RBFOX1: variants seen among roughly 807,000 people sequenced by gnomAD.
The protein encoded by RBFOX1 is RNA binding fox-1 homolog 1.
In RBFOX1, 8 loss-of-function variants were observed where a neutral mutation model predicts 57.7. The ratio of observed to expected loss-of-function variants is 0.14; its 90% CI spans 0.08 to 0.25. The LOEUF (loss-of-function observed/expected upper bound fraction) is 0.25. Ranked by LOEUF, RBFOX1 falls within the 10% of genes least tolerant of loss-of-function variation. RBFOX1 has a pLI of 1.00. For synonymous variants in RBFOX1, 326 were observed against 222.4 expected, an observed-to-expected ratio of 1.47 and a Z score of -4.15; for missense variants, 611 against 548.5, an observed-to-expected ratio of 1.11 and a Z score of -1.14.
intron 1 of RBFOX1, among the ~76,000 whole-genome samples, chr16:6,081,042 G>T (rs1405221709): frequency 2.0e-5 from 3 of 152,182 alleles, no homozygotes; most frequent in Non-Finnish European, 2.9e-5. Flanking sequence ...ACGGAGTCAT[G>T]TGAGGTTGAT....
intron 3 of RBFOX1, among the ~76,000 whole-genome samples, chr16:7,030,446 G>C (rs1467810537): frequency 6.6e-6 from 1 of 152,196 alleles, no homozygotes. Flanking sequence ...GCAAGGCCAA[G>C]TTCCTTCTGA....
intron 1 of RBFOX1, among the ~76,000 whole-genome samples, chr16:6,230,570 G>T (rs1326441425): frequency 1.3e-5 from 2 of 152,158 alleles, no homozygotes; most frequent in Non-Finnish European, 2.9e-5. Context: ...AATTCCGTGG[G>T]TCAACAGTTT....
intron 4 of RBFOX1, among the ~76,000 whole-genome samples, chr16:5,981,298 C>G (rs1017057215): frequency 6.6e-6 from 1 of 152,290 alleles, no homozygotes; most frequent in Admixed American, 6.5e-5. Flanking sequence ...CTGGCATCTA[C>G]AAATGTTCTG....
intron 1 of RBFOX1, among the ~76,000 whole-genome samples, chr16:5,403,575 G>T (rs1436021028): frequency 1.3e-5 from 2 of 152,046 alleles, no homozygotes; most frequent in Non-Finnish European, 2.9e-5. Context: ...CTCTCGAGTA[G>T]CTGGGATTAC....
intron 3 of RBFOX1, among the ~76,000 whole-genome samples, chr16:5,754,145 G>C (rs906105587): frequency 6.6e-6 from 1 of 152,116 alleles, no homozygotes; most frequent in African/African-American, 2.4e-5. Flanking sequence ...TCCTGGAGTT[G>C]GCATAATACA....
chr16:7,073,761 G>A (rs1235687193), intron 4 of RBFOX1, among the ~76,000 whole-genome samples: 1 of 152,148 alleles, frequency 6.6e-6, no homozygotes, highest in African/African-American at 2.4e-5. Context: ...TACTCAGGGG[G>A]CTGAGGCAGG....
At chr16:5,337,907 G>T (rs2064938971) in intron 1 of RBFOX1, among the ~76,000 whole-genome samples, 1 of 152,080 alleles carries the variant, frequency 6.6e-6, no homozygotes, top group South Asian at 2.1e-4. Context: ...AGCTGGACAT[G>T]GTGGTGCATA....
chr16:5,659,608 A>G (rs1596630715), intron 3 of RBFOX1, among the ~76,000 whole-genome samples: 1 of 152,108 alleles, frequency 6.6e-6, no homozygotes, highest in South Asian at 2.1e-4. Flanking sequence ...CCTGGCCGGT[A>G]TATCTTTTTT....
chr16:5,944,719 C>A (rs912883909), intron 4 of RBFOX1, among the ~76,000 whole-genome samples: 42 of 146,186 alleles, frequency 2.9e-4, no homozygotes, highest in African/African-American at 1.0e-3. Flanking sequence ...CTTTGAGAGG[C>A]CAAGGTGGGC....
chr16:6,188,795 C>G (rs2097123929), intron 1 of RBFOX1, among the ~76,000 whole-genome samples: 1 of 152,172 alleles, frequency 6.6e-6, no homozygotes, highest in African/African-American at 2.4e-5. Flanking sequence ...CCCAAACCTT[C>G]CTACCGCTGA....
chr16:7,389,759 T>C (rs2097958938), intron 4 of RBFOX1, among the ~76,000 whole-genome samples: 1 of 152,084 alleles, frequency 6.6e-6, no homozygotes, highest in Non-Finnish European at 1.5e-5. Flanking sequence ...AATAATAATA[T>C]TGGTGGTTAA....
At chr16:6,827,202 G>GTT (rs60748314) in intron 3 of RBFOX1, among the ~76,000 whole-genome samples, 4 of 148,956 alleles carry the variant, frequency 2.7e-5, no homozygotes, top group Admixed American at 2.0e-4. Flanking sequence ...TTAGAGGTGT[G>GTT]TTTTTTTTTT....
chr16:6,579,920 G>A (rs974250751), intron 2 of RBFOX1, among the ~76,000 whole-genome samples: 2 of 151,974 alleles, frequency 1.3e-5, no homozygotes, highest in East Asian at 3.9e-4. Context: ...CATATTCTAT[G>A]TATAGGTTCA....
At chr16:7,548,418 A>C (rs1483621151) in intron 5 of RBFOX1, among the ~76,000 whole-genome samples, 1 of 152,130 alleles carries the variant, frequency 6.6e-6, no homozygotes, top group African/African-American at 2.4e-5. Flanking sequence ...CGCCACCCAA[A>C]GTGCTGGGAT....
At chr16:7,227,120 T>A (rs1283442310) in intron 4 of RBFOX1, among the ~76,000 whole-genome samples, 1 of 152,166 alleles carries the variant, frequency 6.6e-6, no homozygotes, top group African/African-American at 2.4e-5. Context: ...CCTGGAGATA[T>A]TTGAGTTTGA....
intron 4 of RBFOX1, among the ~76,000 whole-genome samples, chr16:7,459,832 A>G (rs187806978): frequency 2.0e-5 from 3 of 152,308 alleles, no homozygotes; most frequent in Non-Finnish European, 2.9e-5. Context: ...ACGGGCCACC[A>G]TACATACACA....
At position 5,912,970 on chromosome 16, in the gene RBFOX1, C is replaced by G. The variant is rs115429314; in HGVS notation, c.351+45635C>G. Among the ~76,000 whole-genome samples, 719 of 152,278 alleles carry G rather than the reference C, an allele frequency of 4.7e-3. 10 individuals carry two copies. Among genetic ancestry groups the G allele is most frequent in the African/African-American group, 0.017 (697 of 41,554 alleles). On this transcript the variant is annotated intron_variant, in intron 4 of 19. Coordinates refer to the RBFOX1 transcript ENST00000641259. ...GTGGGGTGGCCAGCTTCCTAATGTA[C>G]TTAAGTGACTCAGGATAAAAGTTCT...
At chr16:5,729,844 C>G (rs577836975) in intron 3 of RBFOX1, among the ~76,000 whole-genome samples, 2 of 152,262 alleles carry the variant, frequency 1.3e-5, no homozygotes, top group East Asian at 1.9e-4. Context: ...GGAGGAATGC[C>G]AGACCCTTGG....
At chr16:7,633,388 T>A (rs2061288000) in intron 11 of RBFOX1, among the ~76,000 whole-genome samples, 1 of 152,278 alleles carries the variant, frequency 6.6e-6, no homozygotes, top group Non-Finnish European at 1.5e-5. Context: ...ATCAGTCGTA[T>A]TACCTGCACA....
Sources: allele counts gnomAD v4.1 joint callset (sites outside exome capture counted in the v4.1 genomes callset), GRCh38; gene constraint gnomAD v4.1.1; transcripts MANE v1.5; gene names NCBI Gene and HGNC (gene_info 2026-07-23, HGNC 2026-07-21).